Variants in DLGAP2 observed in about 807,000 individuals in gnomAD.
DLGAP2 encodes disks large-associated protein 2.
In DLGAP2, 26 loss-of-function variants were observed where a neutral mutation model predicts 100.3. The observed-to-expected ratio is 0.26, with a 90% CI of 0.19 to 0.36. The LOEUF (loss-of-function observed/expected upper bound fraction) is 0.36, where lower values mean the gene tolerates loss of function less well. Ranked by LOEUF, DLGAP2 falls within the 10% of genes least tolerant of loss-of-function variation. The pLI, the probability that DLGAP2 is intolerant of heterozygous loss-of-function variation, is 1.00. For synonymous variants in DLGAP2, 886 were observed against 630.1 expected (o/e 1.41, Z -6.08); for missense variants, 1,858 against 1,453.2 (o/e 1.28, Z -4.53).
chr8:913,481 T>C (rs1370724347), intron 2 of DLGAP2, among the ~76,000 whole-genome samples: 1 of 152,208 alleles, frequency 6.6e-6, no homozygotes, highest in East Asian at 1.9e-4. Flanking sequence ...TATGTTGAAA[T>C]GAGTCTTGAC....
chr8:1,392,151 G>C (rs1796374419), intron 3 of DLGAP2, among the ~76,000 whole-genome samples: 1 of 152,188 alleles, frequency 6.6e-6, no homozygotes, highest in Non-Finnish European at 1.5e-5. Context: ...AGGCTGGGGT[G>C]GGCCTAGAAA....
intron 3 of DLGAP2, among the ~76,000 whole-genome samples, chr8:1,316,572 A>C (rs1276001715): frequency 2.1e-4 from 27 of 127,542 alleles, no homozygotes; most frequent in South Asian, 5.3e-4. Context: ...GCGTCTCTCC[A>C]ACAGTGGTCT....
intron 3 of DLGAP2, among the ~76,000 whole-genome samples, chr8:1,494,162 G>C (rs1799477421): frequency 6.6e-6 from 1 of 152,236 alleles, no homozygotes. Context: ...GTGTTTATGA[G>C]GTGATAATAC....
intron 8 of DLGAP2, among the ~76,000 whole-genome samples, chr8:1,646,090 T>C (rs1185280076): frequency 6.6e-6 from 1 of 152,130 alleles, no homozygotes; most frequent in Non-Finnish European, 1.5e-5. Context: ...TTATTGTGGG[T>C]GTGTCTGAGA....
chr8:1,596,006 A>G (rs1796447898), intron 6 of DLGAP2, among the ~76,000 whole-genome samples: 3 of 151,688 alleles, frequency 2.0e-5, no homozygotes, highest in African/African-American at 7.3e-5. Flanking sequence ...GTAACCCCTA[A>G]TGCTATCCCT....
At chr8:798,914 A>G (rs146799982) in intron 1 of DLGAP2, among the ~76,000 whole-genome samples, 98 of 152,362 alleles carry the variant, frequency 6.4e-4, no homozygotes, top group African/African-American at 2.1e-3. Flanking sequence ...TTCCGTTGGC[A>G]CTGAAAGTAA....
In DLGAP2 at chr8:879,705, C is replaced by T. The variant is rs571941121; in HGVS notation, c.19-28207C>T. Among the ~76,000 whole-genome samples, 4 of 152,280 alleles carry T rather than the reference C, an allele frequency of 2.6e-5. No homozygotes were observed. In the South Asian group the frequency reaches 6.2e-4, roughly 24 times the overall value. On this transcript the variant is annotated intron_variant, in intron 1 of 14. Coordinates refer to ENST00000637795, the MANE Select transcript of DLGAP2 (RefSeq NM_001346810.2). ...ATCATTTTGTCACTTGGCAAAATTC[C>T]ATTGTTGAATTTTTTCATCATTGAC...
intron 3 of DLGAP2, among the ~76,000 whole-genome samples, chr8:1,416,695 C>G (rs1052451795): frequency 6.6e-6 from 1 of 152,074 alleles, no homozygotes; most frequent in Non-Finnish European, 1.5e-5. Context: ...TATCAGGTCA[C>G]TTAATAAGTA....
At chr8:1,613,630 C>T (rs1253473305) in intron 6 of DLGAP2, among the ~76,000 whole-genome samples, 2 of 152,000 alleles carry the variant, frequency 1.3e-5, no homozygotes, top group Admixed American at 6.6e-5. Context: ...AGGGCGATGC[C>T]TTCATAAATG....
intron 1 of DLGAP2, among the ~76,000 whole-genome samples, chr8:746,402 G>T (rs1277373881): frequency 6.6e-6 from 1 of 152,246 alleles, no homozygotes; most frequent in African/African-American, 2.4e-5. Flanking sequence ...GGGAAGAGGG[G>T]TCAGATGGCG....
chr8:1,361,936 C>A (rs1225004817), intron 3 of DLGAP2, among the ~76,000 whole-genome samples: 1 of 152,216 alleles, frequency 6.6e-6, no homozygotes, highest in Non-Finnish European at 1.5e-5. Flanking sequence ...GGCAGGTCTC[C>A]TGGGAAGAGG....
intron 2 of DLGAP2, among the ~76,000 whole-genome samples, chr8:1,200,924 G>A (rs1797858010): frequency 6.6e-6 from 1 of 152,200 alleles, no homozygotes; most frequent in Non-Finnish European, 1.5e-5. Flanking sequence ...CGGGCGGTGC[G>A]CGATTCAGCT....
chr8:1,382,193 C>G (rs955700050), intron 3 of DLGAP2, among the ~76,000 whole-genome samples: 1 of 152,166 alleles, frequency 6.6e-6, no homozygotes, highest in Non-Finnish European at 1.5e-5. Context: ...TGTATTCATA[C>G]AGTAAAGTAA....
At chr8:1,691,705 T>C in intron 13 of DLGAP2, 79 bp downstream of exon 13, 2 of 1,266,076 alleles carry the variant, frequency 1.6e-6, no homozygotes, top group Admixed American at 2.0e-5. Flanking sequence ...ATTGTTTTCT[T>C]CCTTGTCAAA....
chr8:1,254,842 C>T lies in DLGAP2; in HGVS notation c.74-4009C>T, dbSNP rs1799135786. 5.7e-5 allele frequency among the ~76,000 whole-genome samples: 7 copies of T among 121,846 alleles called. No homozygotes were observed. In the Admixed American group the frequency reaches 5.8e-4, roughly 10 times the overall value. The allele number at this position is 121,846 out of a possible 152,430, so 79.9% of individuals were successfully genotyped here. On this transcript the variant is annotated intron_variant, in intron 2 of 14. Coordinates refer to ENST00000637795, the MANE Select transcript of DLGAP2 (RefSeq NM_001346810.2). The stretch of plus-strand genomic sequence containing the variant: ...ACAAAGACCGCTCCTGACTTTTCCT[C>T]CGTGGGCCTCACTCCCTGGCCCTCT...
chr8:1,407,810 G>C, intron 3 of DLGAP2, among the ~76,000 whole-genome samples: 1 of 149,140 alleles, frequency 6.7e-6, no homozygotes, highest in African/African-American at 2.4e-5. Context: ...GTCGTGTATT[G>C]AGTGCTTACT....
intron 1 of DLGAP2, among the ~76,000 whole-genome samples, chr8:854,675 G>A (rs1437379953): frequency 1.3e-5 from 2 of 152,212 alleles, no homozygotes; most frequent in African/African-American, 4.8e-5. Context: ...ACATGTGTGT[G>A]CATATGTGCT....
At chr8:1,268,040 C>T (rs1378344320) in intron 3 of DLGAP2, among the ~76,000 whole-genome samples, 2 of 152,104 alleles carry the variant, frequency 1.3e-5, no homozygotes, top group African/African-American at 4.8e-5. Context: ...TTGAACATAC[C>T]ATCTGGTGTC....
intron 2 of DLGAP2, among the ~76,000 whole-genome samples, chr8:1,077,882 C>T (rs1026690121): frequency 1.3e-5 from 2 of 152,196 alleles, no homozygotes; most frequent in African/African-American, 2.4e-5. Flanking sequence ...AGCACACGCC[C>T]GTGTGCGTGC....
Sources: gnomAD v4.1 joint callset for allele counts (sites outside exome capture counted in the v4.1 genomes callset) on GRCh38, gnomAD v4.1.1 for gene constraint, MANE v1.5 for transcripts, NCBI Gene and HGNC (gene_info 2026-07-23, HGNC 2026-07-21) for gene names.